Variants in PMF1 observed in about 807,000 individuals in gnomAD.
PMF1 encodes polyamine-modulated factor 1.
Under a neutral mutation model 26.7 loss-of-function variants are expected in PMF1, and 21 were observed. That is an observed-to-expected ratio of 0.79 (90% CI 0.56 to 1.13). The LOEUF (loss-of-function observed/expected upper bound fraction) is 1.13. PMF1 is among the 50% of genes most tolerant of loss of function. The pLI, the probability that PMF1 is intolerant of heterozygous loss-of-function variation, is 0.00. For missense variants in PMF1, 266 were observed against 254.9 expected (o/e 1.04, Z -0.30); for synonymous variants, 105 against 101.0 (o/e 1.04, Z -0.24).
In PMF1 at chr1:156,232,150, A is replaced by G. The variant is rs1658744482; in HGVS notation, c.162-170A>G. 2.0e-5 allele frequency among the ~76,000 whole-genome samples: 3 copies of G among 152,230 alleles called. No homozygotes were observed. The South Asian group carries it at 6.2e-4, about 31-fold the overall frequency. ...GATGGGGCATTGATGGGGTTGAACC[A>G]TCCTCGGTGACTCGTGCTTAGATGA... On this transcript the variant is annotated intron_variant, in intron 1 of 4. Transcript: ENST00000368277.
intron 1 of PMF1, among the ~76,000 whole-genome samples, chr1:156,231,868 C>T (rs917563445): frequency 6.6e-6 from 1 of 152,140 alleles, no homozygotes; most frequent in Non-Finnish European, 1.5e-5. Flanking sequence ...AATGTCCTGC[C>T]GAGAGAGCAT....
At chr1:156,234,499 G>A (rs1431240424) in intron 3 of PMF1, among the ~76,000 whole-genome samples, 3 of 150,420 alleles carry the variant, frequency 2.0e-5, no homozygotes, top group East Asian at 1.9e-4. Flanking sequence ...CTATATGATC[G>A]ATATTGTTTT....
chr1:156,227,081 G>A (rs1379138688), intron 1 of PMF1, among the ~76,000 whole-genome samples: 22 of 152,218 alleles, frequency 1.4e-4, no homozygotes, highest in Admixed American at 1.4e-3. Context: ...ATGCTGCTGT[G>A]CATCTGACAT....
chr1:156,232,946 G>T (rs1480793112), intron 2 of PMF1, among the ~76,000 whole-genome samples: 2 of 143,278 alleles, frequency 1.4e-5, no homozygotes. Context: ...TTGAGACAGG[G>T]TCTGGCTCTG....
At position 156,236,305 on chromosome 1, in the gene PMF1, C is replaced by T. The variant is rs1163067794; in HGVS notation, c.386C>T (p.Pro129Leu). ...CCCTCCAGGCGCCCCAGCGGGATCCCAGAGAAGGATCTGCACAGTGTTATG... is the reference window on the plus strand; with the variant it reads ...CCCTCCAGGCGCCCCAGCGGGATCCTAGAGAAGGATCTGCACAGTGTTATG... Reference protein sequence around the residue: ...KEPAWRPSGIPEKDLHSVMAP... With the variant: ...KEPAWRPSGILEKDLHSVMAP... Residue 129 changes from proline (P) to leucine (L), a missense_variant, in exon 4 of 5, where the codon CCA becomes CTA. Pro to Leu is a moderately conservative substitution (Grantham distance 98, BLOSUM62 -3). Transcript: ENST00000368277. 1 of 1,609,658 alleles carries T rather than the reference C, an allele frequency of 6.2e-7. No individual in the cohort carries two copies. The highest frequency in any genetic ancestry group is 1.3e-5 in the African/African-American group (1 of 74,846).
At chr1:156,233,156 T>C (rs1339034879) in intron 2 of PMF1, among the ~76,000 whole-genome samples, 3 of 151,920 alleles carry the variant, frequency 2.0e-5, no homozygotes, top group Non-Finnish European at 2.9e-5. Flanking sequence ...CCTTAATTAT[T>C]TTTGTTTGCT....
chr1:156,218,959 C>G (rs1657932957), intron 1 of PMF1, among the ~76,000 whole-genome samples: 1 of 150,298 alleles, frequency 6.7e-6, no homozygotes, highest in Non-Finnish European at 1.5e-5. Context: ...CTCGGTCTGT[C>G]CCCCAGGCTG....
Position 156,233,651 on chromosome 1 carries a change from G to A in PMF1, c.291G>A (p.Glu97=), listed in dbSNP as rs766228735. 9.9e-6 allele frequency: 16 copies of A among 1,613,932 alleles called. No individual in the cohort carries two copies. The highest frequency in any genetic ancestry group is 1.4e-5 in the Non-Finnish European group (16 of 1,179,974). ...SIREEISDIK[E]EGNLEAVLNA... ...AGGAGGAAATCTCTGACATCAAAGA[G>A]GAGGGGAACCTAGAAGCTGTCTTGA... Residue 97 remains glutamate, a synonymous_variant, in exon 3 of 5, where the codon GAG becomes GAA. Transcript: ENST00000368277.
At chr1:156,226,404 G>T (rs1364384890) in intron 1 of PMF1, among the ~76,000 whole-genome samples, 1 of 152,148 alleles carries the variant, frequency 6.6e-6, no homozygotes, top group Non-Finnish European at 1.5e-5. Context: ...CTCTCTAGTG[G>T]GGACAAATCC....
chr1:156,238,637 T>C (rs1418794807), intron 4 of PMF1, among the ~76,000 whole-genome samples: 4 of 152,236 alleles, frequency 2.6e-5, no homozygotes, highest in Non-Finnish European at 5.9e-5. Flanking sequence ...AACACTCATA[T>C]TCCTGAGGGA....
chr1:156,221,970 C>A (rs745900114), intron 1 of PMF1, among the ~76,000 whole-genome samples: 1 of 152,202 alleles, frequency 6.6e-6, no homozygotes, highest in Non-Finnish European at 1.5e-5. Flanking sequence ...GTGACTCTTG[C>A]ACCTGCCTCC....
intron 1 of PMF1, among the ~76,000 whole-genome samples, chr1:156,224,724 A>G (rs1416950987): frequency 2.6e-5 from 4 of 151,754 alleles, no homozygotes; most frequent in Non-Finnish European, 5.9e-5. Flanking sequence ...AGATCGCGCC[A>G]CTGCACTCCA....
Position 156,236,280 on chromosome 1 carries a change from C to A in PMF1, c.369-8C>A. The A allele has an allele frequency of 4.4e-6, 7 of 1,601,372 alleles. No individual in the cohort carries two copies. Among genetic ancestry groups the A allele is most frequent in the Non-Finnish European group, 6.0e-6 (7 of 1,169,802 alleles). ...CCTTCATTCCTTGTGCCCCGTGTGG[C>A]CCTCCAGGCGCCCCAGCGGGATCCC... is the stretch of plus-strand genomic sequence containing the variant. On this transcript the variant is annotated splice_polypyrimidine_tract_variant and splice_region_variant and intron_variant, in intron 3 of 4. Transcript: ENST00000368277.
intron 1 of PMF1, 82 bp downstream of exon 1, chr1:156,213,258 C>T (rs907299614): frequency 1.2e-4 from 190 of 1,554,576 alleles, no homozygotes; most frequent in Non-Finnish European, 1.6e-4. Flanking sequence ...CGCAGGCTGG[C>T]GCGCGGTGAC....
intron 1 of PMF1, among the ~76,000 whole-genome samples, chr1:156,228,798 G>C (rs1395572524): frequency 2.0e-5 from 3 of 152,190 alleles, no homozygotes; most frequent in Admixed American, 2.0e-4. Flanking sequence ...CGTTCCTCCT[G>C]GTAGCCACAG....
intron 4 of PMF1, 53 bp from the exon 5 acceptor site, chr1:156,239,495 G>C (rs1659227933): frequency 1.4e-6 from 2 of 1,470,392 alleles, no homozygotes; most frequent in Non-Finnish European, 1.9e-6. Context: ...TGGAGGGCAA[G>C]GATTTGGGTT....
At chr1:156,238,212 T>C (rs1347719070) in intron 4 of PMF1, among the ~76,000 whole-genome samples, 1 of 152,276 alleles carries the variant, frequency 6.6e-6, no homozygotes, top group African/African-American at 2.4e-5. Flanking sequence ...GGTACTGTGA[T>C]GCCTCCAGCT....
intron 4 of PMF1, 192 bp downstream of exon 4, chr1:156,236,675 TC>T: frequency 5.7e-6 from 4 of 707,032 alleles, no homozygotes; most frequent in Non-Finnish European, 9.1e-6. Flanking sequence ...GCAGACAGTC[TC>T]CCCCAGATCC....
chr1:156,233,779 A>C (rs765451535), intron 3 of PMF1, 51 bp downstream of exon 3: 1 of 1,498,898 alleles, frequency 6.7e-7, no homozygotes, highest in South Asian at 1.2e-5. Flanking sequence ...GCAGCAATTA[A>C]GCTTTTTTTT....
Sources: gnomAD v4.1 joint callset for allele counts (sites outside exome capture counted in the v4.1 genomes callset) on GRCh38, gnomAD v4.1.1 for gene constraint, MANE v1.5 for transcripts, NCBI Gene and HGNC (gene_info 2026-07-23, HGNC 2026-07-21) for gene names.